VMP1: variants seen among roughly 807,000 people sequenced by gnomAD.
VMP1 encodes the protein vacuole membrane protein 1.
In VMP1, 11 loss-of-function variants were observed where a neutral mutation model predicts 56.0. The observed-to-expected ratio is 0.20, with a 90% CI of 0.12 to 0.32. The LOEUF is 0.32. VMP1 is among the 10% of genes least tolerant of loss of function. The pLI, the probability that VMP1 is intolerant of heterozygous loss-of-function variation, is 1.00. For missense variants in VMP1, 296 were observed against 490.3 expected (o/e 0.60, Z 3.74); for synonymous variants, 149 against 165.0 (o/e 0.90, Z 0.74).
At chr17:59,731,304 A>C in intron 1 of VMP1, 117 bp from the exon 2 acceptor site, 1 of 563,112 alleles carries the variant, frequency 1.8e-6, no homozygotes. Flanking sequence ...GTGTAAACAC[A>C]TCATACATAT....
intron 1 of VMP1, among the ~76,000 whole-genome samples, chr17:59,729,344 A>G (rs1004646615): frequency 6.6e-6 from 1 of 151,980 alleles, no homozygotes; most frequent in Non-Finnish European, 1.5e-5. Flanking sequence ...TTAGCCAGGC[A>G]TGGTGGCGGG....
chr17:59,744,462 CAA>C (rs60407542), intron 5 of VMP1, among the ~76,000 whole-genome samples: 7,533 of 53,586 alleles, frequency 0.14, 224 homozygotes, highest in Middle Eastern at 0.29. Context: ...AATTCCATCT[CAA>C]AAAAAAAAAA....
intron 4 of VMP1, 132 bp from the exon 5 acceptor site, chr17:59,738,705 A>G: frequency 1.6e-6 from 1 of 633,736 alleles, no homozygotes; most frequent in East Asian, 3.1e-5. Flanking sequence ...AGGCCTCTTC[A>G]ATGGGTTTTT....
At chr17:59,726,070 T>C (rs1231020161) in intron 1 of VMP1, among the ~76,000 whole-genome samples, 1 of 152,180 alleles carries the variant, frequency 6.6e-6, no homozygotes, top group Non-Finnish European at 1.5e-5. Context: ...GCAAACCTTT[T>C]TGTGCCCTGT....
At chr17:59,801,010 G>A (rs1458398371) in intron 7 of VMP1, among the ~76,000 whole-genome samples, 2 of 149,588 alleles carry the variant, frequency 1.3e-5, no homozygotes, top group Non-Finnish European at 3.0e-5. Flanking sequence ...AATCCAGGAG[G>A]CAGAGGTTAC....
chr17:59,710,129 G>A lies in VMP1; in HGVS notation c.-27+2381G>A, dbSNP rs186408442. On this transcript the variant is annotated intron_variant, in intron 1 of 11. Coordinates refer to ENST00000262291, the MANE Select transcript of VMP1 (RefSeq NM_030938.5). ...GGAGAATGGCGCGAACCCAGGAGGCGGAGCTTGCAGTGAGCCGAGATTGCG... is the reference window on the plus strand; with the variant it reads ...GGAGAATGGCGCGAACCCAGGAGGCAGAGCTTGCAGTGAGCCGAGATTGCG... Among the ~76,000 whole-genome samples the A allele has an allele frequency of 1.6e-3, 249 of 152,168 alleles. 1 individual carries two copies. Among genetic ancestry groups the A allele is most frequent in the Middle Eastern group, 6.8e-3 (2 of 294 alleles).
At position 59,771,505 on chromosome 17, in the gene VMP1, A is replaced by G. The variant is rs528175012; in HGVS notation, c.583-2249A>G. 4.6e-5 allele frequency among the ~76,000 whole-genome samples: 7 copies of G among 152,214 alleles called. No individual in the cohort carries two copies. The South Asian group carries it at 6.2e-4, about 14-fold the overall frequency. ...GAGATATAGTTTATATCAGAAAAAG[A>G]TAAATACTTGATCTTTATTATACCA... On this transcript the variant is annotated intron_variant, in intron 6 of 11. Transcript: ENST00000262291.
chr17:59,741,157 T>C (rs2035212730), intron 5 of VMP1, among the ~76,000 whole-genome samples: 1 of 152,078 alleles, frequency 6.6e-6, no homozygotes, highest in Non-Finnish European at 1.5e-5. Flanking sequence ...GATTGCACCA[T>C]GCACTCCAAC....
intron 5 of VMP1, among the ~76,000 whole-genome samples, chr17:59,755,110 C>CT (rs2035791150): frequency 6.7e-6 from 1 of 149,840 alleles, no homozygotes; most frequent in Non-Finnish European, 1.5e-5. Context: ...TTTTCTTTTT[C>CT]TTTTTCTTTT....
chr17:59,750,586 G>A (rs1168953868), intron 5 of VMP1, among the ~76,000 whole-genome samples: 1 of 152,094 alleles, frequency 6.6e-6, no homozygotes, highest in Non-Finnish European at 1.5e-5. Flanking sequence ...ACAGGCATGA[G>A]CCACCACGCC....
intron 7 of VMP1, among the ~76,000 whole-genome samples, chr17:59,805,488 T>C (rs1358849660): frequency 6.6e-6 from 1 of 152,208 alleles, no homozygotes; most frequent in Non-Finnish European, 1.5e-5. Flanking sequence ...CCAGTTGGTA[T>C]AATTATACCT....
chr17:59,708,899 C>T (rs2033795746), intron 1 of VMP1, among the ~76,000 whole-genome samples: 1 of 152,130 alleles, frequency 6.6e-6, no homozygotes, highest in South Asian at 2.1e-4. Flanking sequence ...GTGACTCTCT[C>T]GAGTAGAAAT....
At chr17:59,811,628 C>A in intron 8 of VMP1, 42 bp from the exon 9 acceptor site, 1 of 1,441,678 alleles carries the variant, frequency 6.9e-7, no homozygotes. Flanking sequence ...TTAAATTGTT[C>A]TTTGGATTAT....
chr17:59,712,792 A>G (rs915624534), intron 1 of VMP1, among the ~76,000 whole-genome samples: 1 of 152,240 alleles, frequency 6.6e-6, no homozygotes, highest in Non-Finnish European at 1.5e-5. Context: ...GTAGGAAATC[A>G]TTCTACAATT....
intron 7 of VMP1, among the ~76,000 whole-genome samples, chr17:59,774,683 T>A (rs2036554475): frequency 6.6e-6 from 1 of 152,160 alleles, no homozygotes; most frequent in Admixed American, 6.6e-5. Context: ...CTTTGTTTTG[T>A]TTTGTTAGTT....
At chr17:59,783,065 G>A (rs1231194519) in intron 7 of VMP1, among the ~76,000 whole-genome samples, 1 of 152,026 alleles carries the variant, frequency 6.6e-6, no homozygotes, top group African/African-American at 2.4e-5. Context: ...GCGTGGTGGC[G>A]GGCGCCTCTA....
chr17:59,718,413 G>T (rs1035457977), intron 1 of VMP1, among the ~76,000 whole-genome samples: 1 of 151,514 alleles, frequency 6.6e-6, no homozygotes, highest in Non-Finnish European at 1.5e-5. Flanking sequence ...AGCCAGGATG[G>T]TCTCAATCTC....
chr17:59,756,009 T>G (rs768507489), intron 5 of VMP1, among the ~76,000 whole-genome samples: 1 of 152,172 alleles, frequency 6.6e-6, no homozygotes, highest in Non-Finnish European at 1.5e-5. Flanking sequence ...AGTGTTAGGA[T>G]TTCAAGCATG....
At chr17:59,807,112 A>G (rs1024010787) in intron 7 of VMP1, among the ~76,000 whole-genome samples, 5 of 151,932 alleles carry the variant, frequency 3.3e-5, no homozygotes, top group Non-Finnish European at 2.9e-5. Context: ...TTAGAGAACT[A>G]TATTTTTCAA....
Sources: allele counts gnomAD v4.1 joint callset (sites outside exome capture counted in the v4.1 genomes callset), GRCh38; gene constraint gnomAD v4.1.1; transcripts MANE v1.5; gene names NCBI Gene and HGNC (gene_info 2026-07-23, HGNC 2026-07-21).